Variants in RASA2 observed in about 807,000 individuals in gnomAD.
The protein encoded by RASA2 is RAS p21 protein activator 2.
In RASA2, 155 loss-of-function variants were observed where a neutral mutation model predicts 118.2. That is an observed-to-expected ratio of 1.31 (90% CI 1.15 to 1.50). The LOEUF (loss-of-function observed/expected upper bound fraction) is 1.50, where lower values mean the gene tolerates loss of function less well. Among genes scored for constraint, RASA2 ranks in the 40% most tolerant of loss-of-function variants. The pLI, the probability that RASA2 is intolerant of heterozygous loss-of-function variation, is 0.00. For synonymous variants in RASA2, 353 were observed against 349.1 expected (o/e 1.01, Z -0.12); for missense variants, 1,016 against 1,009.6 (o/e 1.01, Z -0.09).
chr3:141,508,426 C>A (rs1017625061), intron 1 of RASA2, among the ~76,000 whole-genome samples: 1 of 151,328 alleles, frequency 6.6e-6, no homozygotes, highest in Non-Finnish European at 1.5e-5. Flanking sequence ...GCTCTTTTGT[C>A]CCAGGCTGGA....
rs373010319 is a variant in RASA2, at chr3:141,533,109, C to T, written c.450+3307C>T. 5.7e-4 allele frequency among the ~76,000 whole-genome samples: 87 copies of T among 152,218 alleles called. 1 individual carries two copies. In the South Asian group the frequency reaches 0.017, roughly 30 times the overall value. On this transcript the variant is annotated intron_variant, in intron 4 of 23. Transcript: ENST00000286364. ...CAGTCTCTTTTTGAGACCTAAAAGACGCCACACCAATTTTTGAGTCCATGT... is the reference window on the plus strand; with the variant it reads ...CAGTCTCTTTTTGAGACCTAAAAGATGCCACACCAATTTTTGAGTCCATGT...
intron 11 of RASA2, 33 bp downstream of exon 11, chr3:141,571,587 A>G: frequency 6.4e-7 from 1 of 1,567,112 alleles, no homozygotes; most frequent in Non-Finnish European, 8.7e-7. Context: ...TGTTAATTAC[A>G]TGTTGTTGAA....
intron 1 of RASA2, among the ~76,000 whole-genome samples, chr3:141,491,591 A>G (rs1002644390): frequency 1.3e-5 from 2 of 152,216 alleles, no homozygotes; most frequent in Non-Finnish European, 2.9e-5. Flanking sequence ...TTTATAAATT[A>G]TATACCTAAA....
chr3:141,542,679 G>C (rs1344412772), intron 5 of RASA2, among the ~76,000 whole-genome samples: 2 of 151,976 alleles, frequency 1.3e-5, no homozygotes, highest in African/African-American at 4.8e-5. Context: ...TATAGTTATA[G>C]ATCATTTTAT....
At chr3:141,578,169 A>G (rs1373003167) in intron 15 of RASA2, among the ~76,000 whole-genome samples, 1 of 152,242 alleles carries the variant, frequency 6.6e-6, no homozygotes, top group Non-Finnish European at 1.5e-5. Context: ...CCACATGTGC[A>G]GATAAGGAAA....
At chr3:141,504,873 C>T (rs2081840680) in intron 1 of RASA2, among the ~76,000 whole-genome samples, 1 of 152,170 alleles carries the variant, frequency 6.6e-6, no homozygotes, top group African/African-American at 2.4e-5. Context: ...CCATACTGCC[C>T]TCCTTGCCAC....
At chr3:141,569,863 T>C (rs907311755) in intron 9 of RASA2, among the ~76,000 whole-genome samples, 6 of 152,106 alleles carry the variant, frequency 3.9e-5, no homozygotes, top group African/African-American at 1.4e-4. Context: ...CAGCTCCCAC[T>C]TACAAGTGAG....
chr3:141,498,193 A>T (rs545934566), intron 1 of RASA2, among the ~76,000 whole-genome samples: 1 of 152,300 alleles, frequency 6.6e-6, no homozygotes, highest in South Asian at 2.1e-4. Flanking sequence ...TTCATGAAGA[A>T]GATTGTTATT....
chr3:141,591,163 A>G (rs1337621109), intron 19 of RASA2, among the ~76,000 whole-genome samples: 11 of 152,238 alleles, frequency 7.2e-5, no homozygotes, highest in Non-Finnish European at 1.5e-4. Context: ...ATTCAGCCTC[A>G]TCTTTTGCAG....
intron 1 of RASA2, among the ~76,000 whole-genome samples, chr3:141,497,703 GAAA>G (rs36013391): frequency 7.8e-6 from 1 of 128,302 alleles, no homozygotes. Context: ...TTCTACAAAC[GAAA>G]AAAAAAAAAA....
In RASA2 at chr3:141,613,285, A is replaced by G. The variant is rs953750403; in HGVS notation, c.*972A>G. 6 of 152,334 alleles carry G rather than the reference A, an allele frequency of 3.9e-5. No individual in the cohort carries two copies. Among genetic ancestry groups the G allele is most frequent in the East Asian group, 1.9e-4 (1 of 5,192 alleles). The allele number at this position is 152,334 out of a possible 1,614,324, so 9.4% of individuals were successfully genotyped here. On this transcript the variant is annotated 3_prime_UTR_variant, in exon 24 of 24. Transcript: ENST00000286364. ...CTCCAGATTTGACTTTAGATACTCC[A>G]TGGTATCTAGTCTTTATGATCAGTT...
chr3:141,538,668 C>G (rs1346443006), intron 4 of RASA2, among the ~76,000 whole-genome samples: 1 of 152,048 alleles, frequency 6.6e-6, no homozygotes, highest in African/African-American at 2.4e-5. Context: ...GTGTTCCACC[C>G]TAACAGTATG....
chr3:141,524,580 C>T (rs192518243), intron 3 of RASA2, among the ~76,000 whole-genome samples: 1 of 152,032 alleles, frequency 6.6e-6, no homozygotes, highest in East Asian at 1.9e-4. Flanking sequence ...ATATTTGTCA[C>T]TGTTTTTGTT....
At chr3:141,573,248 T>G in intron 13 of RASA2, 27 bp downstream of exon 13, 1 of 1,528,066 alleles carries the variant, frequency 6.5e-7, no homozygotes, top group Non-Finnish European at 8.7e-7. Flanking sequence ...TTATTTATAA[T>G]TGCATTAAAA....
chr3:141,529,252 A>G (rs1183733885), intron 3 of RASA2, among the ~76,000 whole-genome samples: 1 of 152,070 alleles, frequency 6.6e-6, no homozygotes, highest in Non-Finnish European at 1.5e-5. Flanking sequence ...GATGTATGAT[A>G]TTGTTTTTCC....
chr3:141,603,446 C>T (rs185385593), intron 19 of RASA2, among the ~76,000 whole-genome samples: 68 of 152,104 alleles, frequency 4.5e-4, no homozygotes, highest in African/African-American at 1.6e-3. Context: ...TAGTGGGCGC[C>T]TGTAATCCCA....
rs1052328440 is a variant in RASA2 at position 141,603,443 on chromosome 3, C to T, written c.1934-4235C>T. Among the ~76,000 whole-genome samples, 19 of 151,950 alleles carry T rather than the reference C, an allele frequency of 1.3e-4. No homozygotes were observed. In the East Asian group the frequency reaches 2.7e-3, roughly 22 times the overall value. ...AAAATTAGCCAAGTGTGGTAGTGGGCGCCTGTAATCCCAGCTACTCAGGAG... is the reference window on the plus strand; with the variant it reads ...AAAATTAGCCAAGTGTGGTAGTGGGTGCCTGTAATCCCAGCTACTCAGGAG... On this transcript the variant is annotated intron_variant, in intron 19 of 23. Coordinates refer to ENST00000286364, the MANE Select transcript of RASA2 (RefSeq NM_006506.5).
intron 6 of RASA2, among the ~76,000 whole-genome samples, chr3:141,554,357 A>G (rs571554694): frequency 3.9e-5 from 6 of 152,356 alleles, no homozygotes; most frequent in African/African-American, 1.4e-4. Flanking sequence ...GCAGCTCAGG[A>G]CTGAAAATTG....
chr3:141,607,713 A>C lies in RASA2; in HGVS notation c.1969A>C (p.Ile657Leu). 1 of 1,600,618 alleles carries C rather than the reference A, an allele frequency of 6.2e-7. No individual in the cohort carries two copies. Among genetic ancestry groups the C allele is most frequent in the Non-Finnish European group, 8.5e-7 (1 of 1,175,064 alleles). ...DAIYTIPVKN[I>L]LAVEKLEESS... Reference sequence around the variant, plus strand: ...AATCTACACAATCCCAGTAAAAAACATTCTTGCTGTGGAAAAACTGGAAGA... The same window carrying C: ...AATCTACACAATCCCAGTAAAAAACCTTCTTGCTGTGGAAAAACTGGAAGA... The change falls in exon 20 of 24, where the codon ATT becomes CTT. Residue 657 changes from isoleucine to leucine, a missense_variant. Physicochemically the swap from Ile to Leu is conservative, Grantham distance 5 (BLOSUM62 2). Around this residue, in one of 2 missense-constraint regions of RASA2, gnomAD observed 896 missense variants for 836.4 expected, o/e 1.07. Transcript: ENST00000286364.
Sources: gnomAD v4.1 joint callset for allele counts (sites outside exome capture counted in the v4.1 genomes callset) on GRCh38, gnomAD v4.1.1 for gene constraint, gnomAD v4.1.1 regional missense constraint, MANE v1.5 for transcripts, NCBI Gene and HGNC (gene_info 2026-07-23, HGNC 2026-07-21) for gene names.